UNC5D: variants seen among roughly 807,000 people sequenced by gnomAD.
UNC5D encodes netrin receptor UNC5D.
In UNC5D, 39 loss-of-function variants were observed where a neutral mutation model predicts 105.4. That is an observed-to-expected ratio of 0.37 (90% confidence interval 0.29 to 0.48). UNC5D has a LOEUF of 0.48. UNC5D is among the 20% of genes least tolerant of loss of function. The pLI is 0.98. For missense variants in UNC5D, 991 were observed against 1,202.4 expected, an observed-to-expected ratio of 0.82 and a Z score of 2.60; for synonymous variants, 452 against 450.4, an observed-to-expected ratio of 1.00 and a Z score of -0.04.
At chr8:35,379,154 G>A (rs1041173726) in intron 1 of UNC5D, among the ~76,000 whole-genome samples, 2 of 152,146 alleles carry the variant, frequency 1.3e-5, no homozygotes, top group African/African-American at 4.8e-5. Flanking sequence ...GCTGAGGAAT[G>A]AATAAAAATC....
intron 4 of UNC5D, among the ~76,000 whole-genome samples, chr8:35,604,645 G>A (rs1228855426): frequency 5.3e-5 from 8 of 152,272 alleles, no homozygotes; most frequent in Admixed American, 3.3e-4. Context: ...GTGTTTTCCA[G>A]CTTGGTTCCA....
intron 1 of UNC5D, among the ~76,000 whole-genome samples, chr8:35,351,577 A>T (rs1267190361): frequency 6.6e-6 from 1 of 152,012 alleles, no homozygotes; most frequent in Non-Finnish European, 1.5e-5. Context: ...AGACCCAAAC[A>T]ACTGTTCTTC....
chr8:35,381,781 A>G (rs1481580203), intron 1 of UNC5D, among the ~76,000 whole-genome samples: 1 of 152,232 alleles, frequency 6.6e-6, no homozygotes, highest in Non-Finnish European at 1.5e-5. Flanking sequence ...TAAAGTCTTT[A>G]TCACAAAGCA....
chr8:35,348,000 C>T (rs1232936081), intron 1 of UNC5D, among the ~76,000 whole-genome samples: 1 of 151,880 alleles, frequency 6.6e-6, no homozygotes, highest in Admixed American at 6.6e-5. Context: ...GGAAATTCTT[C>T]AAACTGCAGA....
chr8:35,269,183 T>G (rs1430468603), intron 1 of UNC5D, among the ~76,000 whole-genome samples: 1 of 152,216 alleles, frequency 6.6e-6, no homozygotes, highest in East Asian at 1.9e-4. Flanking sequence ...TTGGTACATT[T>G]ATTATGTACC....
intron 9 of UNC5D, among the ~76,000 whole-genome samples, chr8:35,725,418 T>C (rs1000563170): frequency 4.6e-5 from 7 of 152,132 alleles, no homozygotes. Context: ...TGCAAAGATA[T>C]TATATATACT....
chr8:35,634,051 T>C (rs1225236021), intron 4 of UNC5D, among the ~76,000 whole-genome samples: 1 of 152,224 alleles, frequency 6.6e-6, no homozygotes, highest in East Asian at 1.9e-4. Context: ...AATACTGGCA[T>C]TTGATTTTAA....
At chr8:35,377,288 T>C (rs1802757027) in intron 1 of UNC5D, among the ~76,000 whole-genome samples, 1 of 152,148 alleles carries the variant, frequency 6.6e-6, no homozygotes, top group African/African-American at 2.4e-5. Context: ...CTCTCCTGGC[T>C]CAGCTTTGGA....
At position 35,790,493 on chromosome 8, in the gene UNC5D, A is replaced by C; in HGVS notation, c.2792A>C (p.Lys931Thr). 1 of 1,613,888 alleles carries C rather than the reference A, an allele frequency of 6.2e-7. No homozygotes were observed. The highest frequency in any genetic ancestry group is 2.2e-5 in the East Asian group (1 of 44,846). ...GAAGAGATTGGGAGGACACACACGAAACTCTCAAACATTTCAGAATCCCAG... is the reference window on the plus strand; with the variant it reads ...GAAGAGATTGGGAGGACACACACGACACTCTCAAACATTTCAGAATCCCAG... ...ALEEIGRTHT[K>T]LSNISESQLD... is the part of the protein sequence containing the mutation. Residue 931 changes from lysine to threonine, a missense_variant, in exon 17 of 17, where the codon AAA (lysine) becomes ACA (threonine). By Grantham distance (78) the Lys-to-Thr change is moderately conservative (BLOSUM62 -1). Around this residue, in one of 3 missense-constraint regions of UNC5D, gnomAD observed 45 missense variants for 54.5 expected, o/e 0.83. Coordinates refer to ENST00000404895, the MANE Select transcript of UNC5D (RefSeq NM_080872.4).
At chr8:35,282,313 T>G (rs758795846) in intron 1 of UNC5D, among the ~76,000 whole-genome samples, 2 of 152,198 alleles carry the variant, frequency 1.3e-5, no homozygotes, top group Non-Finnish European at 2.9e-5. Flanking sequence ...TGTTTACTGA[T>G]AAAATTTGGT....
intron 1 of UNC5D, among the ~76,000 whole-genome samples, chr8:35,272,686 G>A (rs944953053): frequency 6.6e-6 from 1 of 152,170 alleles, no homozygotes; most frequent in South Asian, 2.1e-4. Context: ...GGACTCAGGG[G>A]TGCTGTAGGA....
intron 1 of UNC5D, among the ~76,000 whole-genome samples, chr8:35,456,793 C>T (rs749110483): frequency 1.1e-4 from 17 of 152,152 alleles, no homozygotes; most frequent in South Asian, 2.1e-4. Flanking sequence ...TGGGCCTTAA[C>T]GCTGCATTCC....
intron 1 of UNC5D, among the ~76,000 whole-genome samples, chr8:35,309,673 A>AT (rs1389766774): frequency 2.0e-5 from 3 of 151,806 alleles, no homozygotes; most frequent in Non-Finnish European, 2.9e-5. Flanking sequence ...TTTCTCTCAC[A>AT]TTTTTTTTCA....
chr8:35,743,652 A>G (rs745916760), intron 11 of UNC5D, among the ~76,000 whole-genome samples: 1 of 152,016 alleles, frequency 6.6e-6, no homozygotes, highest in Non-Finnish European at 1.5e-5. Flanking sequence ...AATTGCAATA[A>G]TATCAAGAAT....
chr8:35,687,244 CCAT>C (rs2131355842), intron 7 of UNC5D, among the ~76,000 whole-genome samples: 1 of 152,206 alleles, frequency 6.6e-6, no homozygotes, highest in Non-Finnish European at 1.5e-5. Flanking sequence ...GAGATCGAGA[CCAT>C]CCTGGCTAAC....
chr8:35,536,926 G>A (rs1814887659), intron 1 of UNC5D, among the ~76,000 whole-genome samples: 1 of 152,146 alleles, frequency 6.6e-6, no homozygotes. Flanking sequence ...AACAGGGGAG[G>A]CGAAGGTTGC....
intron 4 of UNC5D, among the ~76,000 whole-genome samples, chr8:35,606,896 T>A (rs1820330069): frequency 6.6e-6 from 1 of 152,182 alleles, no homozygotes; most frequent in Non-Finnish European, 1.5e-5. Context: ...GGTAGAGGAT[T>A]CCTATGAGAG....
At chr8:35,337,741 T>C (rs1041584103) in intron 1 of UNC5D, among the ~76,000 whole-genome samples, 3 of 151,854 alleles carry the variant, frequency 2.0e-5, no homozygotes, top group African/African-American at 7.3e-5. Context: ...AGACTGACTC[T>C]ATTTCTTTCT....
chr8:35,672,705 C>T (rs1370820794), intron 4 of UNC5D, among the ~76,000 whole-genome samples: 1 of 152,162 alleles, frequency 6.6e-6, no homozygotes, highest in Non-Finnish European at 1.5e-5. Flanking sequence ...TGTTCTTTTC[C>T]TCTGATCATC....
Sources: gnomAD v4.1 joint callset for allele counts (sites outside exome capture counted in the v4.1 genomes callset) on GRCh38, gnomAD v4.1.1 for gene constraint, gnomAD v4.1.1 regional missense constraint, MANE v1.5 for transcripts, NCBI Gene and HGNC (gene_info 2026-07-23, HGNC 2026-07-21) for gene names.